Variants in DDX10 observed in about 807,000 individuals in gnomAD.
DDX10 encodes probable ATP-dependent RNA helicase DDX10.
In DDX10, 74 loss-of-function variants were observed where a neutral mutation model predicts 104.3. The observed-to-expected ratio is 0.71, with a 90% CI of 0.59 to 0.86. The LOEUF is 0.86. Among genes scored for constraint, DDX10 ranks in the 40% least tolerant of loss-of-function variants. DDX10 has a pLI of 0.00. For missense variants in DDX10, 952 were observed against 1,040.0 expected, an observed-to-expected ratio of 0.92 and a Z score of 1.16; for synonymous variants, 351 against 353.4, an observed-to-expected ratio of 0.99 and a Z score of 0.08.
chr11:108,841,001 G>T lies in DDX10; in HGVS notation c.2086-314G>T, dbSNP rs117477564. 6.3e-4 allele frequency among the ~76,000 whole-genome samples: 96 copies of T among 152,316 alleles called. No homozygotes were observed. In the East Asian group the frequency reaches 0.018, roughly 28 times the overall value. ...TGCAGATAATTTTGAGCTGAGTTGT[G>T]TGGAGAATAGGATACTAAGAATGCT... On this transcript the variant is annotated intron_variant, in intron 14 of 17. Transcript: ENST00000322536.
chr11:108,699,535 C>T (rs1156622097), intron 9 of DDX10, among the ~76,000 whole-genome samples: 1 of 152,164 alleles, frequency 6.6e-6, no homozygotes, highest in Non-Finnish European at 1.5e-5. Context: ...CACAGGATAG[C>T]CACAACATGG....
chr11:108,679,459 T>A lies in DDX10; in HGVS notation c.747T>A (p.Thr249=). 1 of 1,613,870 alleles carries A rather than the reference T, an allele frequency of 6.2e-7. No homozygotes were observed. The highest frequency in any genetic ancestry group is 1.1e-5 in the South Asian group (1 of 91,038). Residue 249 remains threonine, a synonymous_variant, in exon 6 of 18, where the codon ACT becomes ACA. Transcript: ENST00000322536. ...AAAATCTCCCCAAGAAACGTCAGAC[T>A]TTACTTTTCTCAGCAACACAAACTA... The part of the protein sequence containing the change: ...VIENLPKKRQ[T]LLFSATQTKS...
At chr11:108,684,258 T>C (rs1289024406) in intron 6 of DDX10, among the ~76,000 whole-genome samples, 1 of 149,746 alleles carries the variant, frequency 6.7e-6, no homozygotes, top group African/African-American at 2.5e-5. Context: ...TAGTTACATA[T>C]GTATACATGT....
chr11:108,711,677 T>C (rs563669143), intron 10 of DDX10, among the ~76,000 whole-genome samples: 2 of 152,320 alleles, frequency 1.3e-5, no homozygotes, highest in Admixed American at 6.5e-5. Flanking sequence ...AAAGCAGATA[T>C]TGTATGATTT....
intron 16 of DDX10, among the ~76,000 whole-genome samples, chr11:108,869,205 T>TTG (rs1555035231): frequency 1.4e-4 from 21 of 151,610 alleles, no homozygotes; most frequent in East Asian, 1.9e-4. Context: ...TTGTTTTTTT[T>TTG]TTTGTTTGTT....
At chr11:108,713,587 A>G (rs1037302252) in intron 10 of DDX10, among the ~76,000 whole-genome samples, 1 of 152,160 alleles carries the variant, frequency 6.6e-6, no homozygotes, top group Non-Finnish European at 1.5e-5. Flanking sequence ...TCCCTAGCAT[A>G]TGAGTCACTG....
intron 15 of DDX10, among the ~76,000 whole-genome samples, chr11:108,848,738 T>A (rs1392554474): frequency 6.6e-6 from 1 of 152,122 alleles, no homozygotes; most frequent in Non-Finnish European, 1.5e-5. Context: ...TTTTGGGGAT[T>A]TTTTTAAAAA....
At chr11:108,917,291 C>T (rs1863763617) in intron 16 of DDX10, among the ~76,000 whole-genome samples, 1 of 151,968 alleles carries the variant, frequency 6.6e-6, no homozygotes, top group Non-Finnish European at 1.5e-5. Context: ...ACAAATGTTA[C>T]TGTACTCTGG....
intron 1 of DDX10, among the ~76,000 whole-genome samples, chr11:108,666,563 A>G (rs1413756707): frequency 1.3e-5 from 2 of 152,194 alleles, no homozygotes; most frequent in East Asian, 1.9e-4. Flanking sequence ...AATCAGTTTC[A>G]CTGGGCCAAA....
In DDX10 at chr11:108,861,727, G is replaced by A. The variant is rs567397881; in HGVS notation, c.2304+9518G>A. Among the ~76,000 whole-genome samples, 4 of 152,204 alleles carry A rather than the reference G, an allele frequency of 2.6e-5. No homozygotes were observed. The South Asian group carries it at 6.2e-4, about 24-fold the overall frequency. On this transcript the variant is annotated intron_variant, in intron 16 of 17. Coordinates refer to ENST00000322536, the MANE Select transcript of DDX10 (RefSeq NM_004398.4). The stretch of plus-strand genomic sequence containing the variant: ...AAACTGGGTGGTAGTTACATGGGGT[G>A]TATTTACTTTGTGAAAACTCATCAA...
At position 108,665,118 on chromosome 11, in the gene DDX10, C is replaced by T. The variant is rs376358257; in HGVS notation, c.-36C>T. 3.2e-5 allele frequency: 51 copies of T among 1,580,724 alleles called. No individual in the cohort carries two copies. In the African/African-American group the frequency reaches 4.6e-4, roughly 14 times the overall value. On this transcript the variant is annotated 5_prime_UTR_variant, in exon 1 of 18. Coordinates refer to ENST00000322536, the MANE Select transcript of DDX10 (RefSeq NM_004398.4). ...GAGTCTGGCCTTAGGTGTCTCGTGTCTGGGGTTGATCCGAGCTGTCGCCGC... is the reference window on the plus strand; with the variant it reads ...GAGTCTGGCCTTAGGTGTCTCGTGTTTGGGGTTGATCCGAGCTGTCGCCGC...
chr11:108,689,063 G>T lies in DDX10; in HGVS notation c.975+1G>T, dbSNP rs1434981051. 1 of 1,613,236 alleles carries T rather than the reference G, an allele frequency of 6.2e-7. No individual in the cohort carries two copies. The highest frequency in any genetic ancestry group is 8.5e-7 in the Non-Finnish European group (1 of 1,179,680). On this transcript the variant is annotated splice_donor_variant, in intron 7 of 17. Transcript: ENST00000322536. LOFTEE classifies it high-confidence loss of function. ...TGTATTTTTTTCCAGTTGCAAAGAG[G>T]TATTGGCTGTTTATTTTGCTTTCTG...
intron 13 of DDX10, among the ~76,000 whole-genome samples, chr11:108,807,983 C>T (rs563397078): frequency 1.9e-4 from 29 of 152,160 alleles, no homozygotes; most frequent in South Asian, 6.2e-4. Context: ...AGGCACAGTG[C>T]GAAGCTGTAG....
chr11:108,679,362 C>A lies in DDX10; in HGVS notation c.659-9C>A. 6.3e-7 allele frequency: 1 copy of A among 1,582,912 alleles called. No individual in the cohort carries two copies. Among genetic ancestry groups the A allele is most frequent in the South Asian group, 1.2e-5 (1 of 85,374 alleles). On this transcript the variant is annotated splice_polypyrimidine_tract_variant and intron_variant, in intron 5 of 17. Coordinates refer to ENST00000322536, the MANE Select transcript of DDX10 (RefSeq NM_004398.4). ...ATATGATAGTTCAACTTGCATTTTC[C>A]TTTTTCAGTTCTTGATGAAGCAGAT...
At chr11:108,722,672 GGAAGCT>G (rs1227695742) in intron 12 of DDX10, among the ~76,000 whole-genome samples, 1 of 152,160 alleles carries the variant, frequency 6.6e-6, no homozygotes, top group Admixed American at 6.5e-5. Context: ...CATGTTATAA[GGAAGCT>G]GAAGCTGAGA....
chr11:108,759,592 G>C (rs991979706), intron 13 of DDX10, among the ~76,000 whole-genome samples: 8 of 151,966 alleles, frequency 5.3e-5, no homozygotes, highest in African/African-American at 1.9e-4. Context: ...AAATTAAAAA[G>C]TTTTTATAGC....
Position 108,940,498 on chromosome 11 carries a change from T to A in DDX10, c.*75T>A. ...GGCAAGAAGTTGAAAAACAGTTGAT[T>A]TGGGGGCACTTAGGTACCATATGCC... On this transcript the variant is annotated 3_prime_UTR_variant, in exon 18 of 18. Coordinates refer to ENST00000322536, the MANE Select transcript of DDX10 (RefSeq NM_004398.4). 6.6e-7 allele frequency: 1 copy of A among 1,509,234 alleles called. No individual in the cohort carries two copies. The highest frequency in any genetic ancestry group is 9.0e-7 in the Non-Finnish European group (1 of 1,112,196). 93.5% of individuals were successfully genotyped at this position (1,509,234 alleles called of 1,614,324 possible). A position where few individuals can be genotyped will look rare whatever the true frequency, so the allele number is the denominator to read the frequency against.
At position 108,760,529 on chromosome 11, in the gene DDX10, G is replaced by T. The variant is rs192608608; in HGVS notation, c.1965+37067G>T. Among the ~76,000 whole-genome samples the T allele has an allele frequency of 5.9e-5, 9 of 152,030 alleles. No homozygotes were observed. In the East Asian group the frequency reaches 1.7e-3, roughly 29 times the overall value. On this transcript the variant is annotated intron_variant, in intron 13 of 17. Coordinates refer to ENST00000322536, the MANE Select transcript of DDX10 (RefSeq NM_004398.4). Reference sequence around the variant, plus strand: ...CATTGATCCTTCAGAATTATGTATGGTCATTTTATTTGGGCAACTTAGGGC... The same window carrying T: ...CATTGATCCTTCAGAATTATGTATGTTCATTTTATTTGGGCAACTTAGGGC...
intron 17 of DDX10, among the ~76,000 whole-genome samples, chr11:108,928,371 A>G (rs1863934748): frequency 6.6e-6 from 1 of 152,210 alleles, no homozygotes; most frequent in South Asian, 2.1e-4. Flanking sequence ...TTTTACAAAA[A>G]TAGTTGCTCT....
Sources: allele counts gnomAD v4.1 joint callset (sites outside exome capture counted in the v4.1 genomes callset), GRCh38; gene constraint gnomAD v4.1.1; transcripts MANE v1.5; gene names NCBI Gene and HGNC (gene_info 2026-07-23, HGNC 2026-07-21).